The following ASIC2 variants were observed in gnomAD, a reference collection of about 807,000 sequenced individuals.
ASIC2 encodes acid sensing ion channel subunit 2.
In ASIC2, 25 loss-of-function variants were observed where a neutral mutation model predicts 57.3. The observed-to-expected ratio is 0.44, with a 90% confidence interval of 0.32 to 0.61. The LOEUF (loss-of-function observed/expected upper bound fraction) is 0.61. Among genes scored for constraint, ASIC2 ranks in the 20% least tolerant of loss-of-function variants. The pLI is 0.06. For synonymous variants in ASIC2, 319 were observed against 307.5 expected (o/e 1.04, Z -0.39); for missense variants, 641 against 738.1 (o/e 0.87, Z 1.52).
chr17:33,628,058 C>A (rs1238418739), intron 1 of ASIC2, among the ~76,000 whole-genome samples: 1 of 152,072 alleles, frequency 6.6e-6, no homozygotes, highest in Admixed American at 6.5e-5. Context: ...GAGGCCTCCT[C>A]CTGTGCTGTG....
chr17:33,114,178 C>A (rs1212137431), intron 1 of ASIC2, among the ~76,000 whole-genome samples: 1 of 152,232 alleles, frequency 6.6e-6, no homozygotes, highest in Non-Finnish European at 1.5e-5. Flanking sequence ...ATTCTTTCAG[C>A]TTCATGGCAG....
At chr17:33,752,401 G>A (rs1237507772) in intron 1 of ASIC2, among the ~76,000 whole-genome samples, 2 of 152,026 alleles carry the variant, frequency 1.3e-5, no homozygotes, top group East Asian at 3.9e-4. Flanking sequence ...CAAAAGGTGG[G>A]GTGGTTAGAA....
At chr17:34,148,031 C>T (rs1904362534) in intron 1 of ASIC2, among the ~76,000 whole-genome samples, 1 of 152,146 alleles carries the variant, frequency 6.6e-6, no homozygotes, top group Non-Finnish European at 1.5e-5. Flanking sequence ...TTAAATTCAT[C>T]TCTTCATTAA....
At position 33,699,756 on chromosome 17, in the gene ASIC2, A is replaced by G. The variant is rs113010785; in HGVS notation, c.555+456222T>C. Among the ~76,000 whole-genome samples the G allele has an allele frequency of 9.8e-4, 150 of 152,336 alleles. 1 individual carries two copies. Among genetic ancestry groups the G allele is most frequent in the African/African-American group, 3.5e-3 (146 of 41,576 alleles). The stretch of plus-strand genomic sequence containing the variant: ...AACATGGGCTTAGTGGCAAGACAGA[A>G]TTAGGTGTGAATACAATTTTGTTAT... On this transcript the variant is annotated intron_variant, in intron 1 of 9. Transcript: ENST00000359872.
intron 1 of ASIC2, among the ~76,000 whole-genome samples, chr17:34,009,451 T>G (rs1433943538): frequency 6.6e-6 from 1 of 152,202 alleles, no homozygotes; most frequent in Non-Finnish European, 1.5e-5. Flanking sequence ...AAAAAGAATA[T>G]AAAATATCTC....
At chr17:33,985,101 A>G (rs1004429250) in intron 1 of ASIC2, among the ~76,000 whole-genome samples, 4 of 152,218 alleles carry the variant, frequency 2.6e-5, no homozygotes, top group Admixed American at 6.5e-5. Context: ...ACAGGTGTCA[A>G]GAGAATTTTA....
chr17:33,642,987 G>A (rs1567677555), intron 1 of ASIC2, among the ~76,000 whole-genome samples: 2 of 152,156 alleles, frequency 1.3e-5, no homozygotes, highest in African/African-American at 2.4e-5. Context: ...GGTGCCCTTG[G>A]CAGCTCCAAC....
intron 1 of ASIC2, among the ~76,000 whole-genome samples, chr17:33,740,376 G>T (rs765417023): frequency 6.6e-6 from 1 of 152,212 alleles, no homozygotes; most frequent in Non-Finnish European, 1.5e-5. Flanking sequence ...AATCATGGCA[G>T]ATGGGGAAGC....
At position 33,482,887 on chromosome 17, in the gene ASIC2, A is replaced by G. The variant is rs181965256; in HGVS notation, c.556-370820T>C. On this transcript the variant is annotated intron_variant, in intron 1 of 9. Transcript: ENST00000359872. Reference sequence around the variant, plus strand: ...TGAACAGATGGTGGAAACACACCGCAACAAAATCTCCTTGTTCCTTAAAAT... The same window carrying G: ...TGAACAGATGGTGGAAACACACCGCGACAAAATCTCCTTGTTCCTTAAAAT... 2.4e-4 allele frequency among the ~76,000 whole-genome samples: 36 copies of G among 152,336 alleles called. No individual in the cohort carries two copies. The East Asian group carries it at 3.9e-3, about 16-fold the overall frequency.
At chr17:33,153,630 T>C (rs1250329111) in intron 1 of ASIC2, among the ~76,000 whole-genome samples, 1 of 152,222 alleles carries the variant, frequency 6.6e-6, no homozygotes, top group Non-Finnish European at 1.5e-5. Flanking sequence ...AAGTGATATA[T>C]GTTTCCCAGG....
chr17:33,201,584 A>T (rs1313654678), intron 1 of ASIC2, among the ~76,000 whole-genome samples: 3 of 151,964 alleles, frequency 2.0e-5, no homozygotes, highest in African/African-American at 7.3e-5. Flanking sequence ...TGAATAACTC[A>T]CCCTTTAATT....
intron 1 of ASIC2, among the ~76,000 whole-genome samples, chr17:33,622,000 A>G (rs909589515): frequency 9.9e-5 from 15 of 152,134 alleles, no homozygotes; most frequent in Admixed American, 2.6e-4. Flanking sequence ...AGGTGTCTCA[A>G]TAAATGTTGA....
chr17:33,037,122 T>C (rs1598246368), intron 3 of ASIC2, among the ~76,000 whole-genome samples: 1 of 99,214 alleles, frequency 1.0e-5, no homozygotes, highest in African/African-American at 4.1e-5. Flanking sequence ...ATTAGCCAGG[T>C]GTGGTAGCAA....
chr17:34,015,270 T>C (rs1346565689), intron 1 of ASIC2, among the ~76,000 whole-genome samples: 2 of 152,226 alleles, frequency 1.3e-5, no homozygotes, highest in African/African-American at 4.8e-5. Flanking sequence ...AGGCTCTTAC[T>C]TCCAATGTGC....
chr17:33,360,903 G>A lies in ASIC2; in HGVS notation c.556-248836C>T, dbSNP rs537643241. Among the ~76,000 whole-genome samples the A allele has an allele frequency of 3.3e-5, 5 of 152,308 alleles. No individual in the cohort carries two copies. The East Asian group carries it at 9.7e-4, about 29-fold the overall frequency. On this transcript the variant is annotated intron_variant, in intron 1 of 9. Coordinates refer to the ASIC2 transcript ENST00000359872. ...GCTTTTAACCAGCTCAGCTACAGCA[G>A]GGACCTCCCACTGCAGAACCTCCCT...
intron 1 of ASIC2, among the ~76,000 whole-genome samples, chr17:33,977,681 G>A (rs374489699): frequency 7.9e-5 from 12 of 152,072 alleles, no homozygotes; most frequent in Non-Finnish European, 1.5e-4. Flanking sequence ...ATCCTATACC[G>A]TTTACTTTCC....
chr17:33,633,622 C>CA (rs568534158), intron 1 of ASIC2, among the ~76,000 whole-genome samples: 134 of 152,210 alleles, frequency 8.8e-4, no homozygotes, highest in African/African-American at 3.2e-3. Flanking sequence ...GTATGTCCGG[C>CA]AAAAAACAGG....
At chr17:33,024,220 T>C (rs2091850421) in intron 5 of ASIC2, among the ~76,000 whole-genome samples, 1 of 152,228 alleles carries the variant, frequency 6.6e-6, no homozygotes, top group Admixed American at 6.5e-5. Flanking sequence ...TTAACTGTCA[T>C]GTCACTCTTT....
chr17:34,118,854 AG>A (rs1278681187), intron 1 of ASIC2: 1 of 152,262 alleles, frequency 6.6e-6, no homozygotes, highest in Admixed American at 6.5e-5. Flanking sequence ...GAATTTCTGG[AG>A]CAGCTTCAAG....
Sources: gnomAD v4.1 joint callset for allele counts (sites outside exome capture counted in the v4.1 genomes callset) on GRCh38, gnomAD v4.1.1 for gene constraint, MANE v1.5 for transcripts, NCBI Gene and HGNC (gene_info 2026-07-23, HGNC 2026-07-21) for gene names.